SNX4: variants seen among roughly 807,000 people sequenced by gnomAD.
SNX4 encodes sorting nexin 4, also known as sorting nexin-4.
SNX4 carries 49 observed loss-of-function variants against 70.8 expected under a neutral mutation model. That is an observed-to-expected ratio of 0.69 (90% CI 0.55 to 0.88). The LOEUF is 0.88. SNX4 is among the 40% of genes least tolerant of loss of function. The pLI is 0.00. For synonymous variants in SNX4, 206 were observed against 183.8 expected, an observed-to-expected ratio of 1.12 and a Z score of -0.98; for missense variants, 528 against 544.8, an observed-to-expected ratio of 0.97 and a Z score of 0.31.
At chr3:125,447,874 G>T in intron 13 of SNX4, 48 bp from the exon 14 acceptor site, 1 of 1,288,836 alleles carries the variant, frequency 7.8e-7, no homozygotes, top group Non-Finnish European at 1.1e-6. Context: ...GAAGGAATCT[G>T]AAAACCCAAG....
chr3:125,478,047 CCTT>C (rs74478568), intron 7 of SNX4, among the ~76,000 whole-genome samples: 18 of 147,628 alleles, frequency 1.2e-4, no homozygotes, highest in Non-Finnish European at 1.7e-4. Flanking sequence ...TCCTCCTCCT[CCTT>C]CTTCTTCTTC....
chr3:125,491,142 C>G (rs1934651329), intron 5 of SNX4, among the ~76,000 whole-genome samples: 1 of 152,148 alleles, frequency 6.6e-6, no homozygotes, highest in Non-Finnish European at 1.5e-5. Context: ...TTAGGGAATT[C>G]TCTTATGGAA....
intron 1 of SNX4, among the ~76,000 whole-genome samples, chr3:125,509,740 G>A (rs1203067058): frequency 4.4e-5 from 5 of 112,722 alleles, no homozygotes; most frequent in South Asian, 3.2e-4. Context: ...GTGACAGAGC[G>A]AGAATCTGTC....
chr3:125,456,980 TA>T (rs764077264), intron 11 of SNX4, among the ~76,000 whole-genome samples: 12 of 137,468 alleles, frequency 8.7e-5, no homozygotes, highest in Middle Eastern at 7.1e-3. Flanking sequence ...TTTTTTTTTT[TA>T]AAACGAAACC....
chr3:125,492,959 G>GC (rs1400366649), intron 5 of SNX4, among the ~76,000 whole-genome samples: 1 of 152,170 alleles, frequency 6.6e-6, no homozygotes, highest in East Asian at 1.9e-4. Flanking sequence ...TAAGGATTGG[G>GC]TATTCAGAAC....
At chr3:125,476,519 C>T (rs144939515) in intron 8 of SNX4, among the ~76,000 whole-genome samples, 176 bp downstream of exon 8, 2,056 of 151,988 alleles carry the variant, frequency 0.014, 39 homozygotes, top group African/African-American at 0.045. Context: ...TGCAGTGAGC[C>T]GAGATCACAT....
Position 125,456,380 on chromosome 3 carries a change from A to T in SNX4, c.1044+886T>A, listed in dbSNP as rs569955206. 4.6e-5 allele frequency among the ~76,000 whole-genome samples: 7 copies of T among 152,272 alleles called. No homozygotes were observed. In the South Asian group the frequency reaches 1.4e-3, roughly 32 times the overall value. On this transcript the variant is annotated intron_variant, in intron 11 of 13. Coordinates refer to ENST00000251775, the MANE Select transcript of SNX4 (RefSeq NM_003794.4). Reference sequence around the variant, plus strand: ...CTTGGACTTAGAAACCAGATGATAGACTAGGCATGGTGGCTTACCCCTGTA... The same window carrying T: ...CTTGGACTTAGAAACCAGATGATAGTCTAGGCATGGTGGCTTACCCCTGTA...
At chr3:125,501,364 TC>T (rs1449103999) in intron 2 of SNX4, among the ~76,000 whole-genome samples, 1 of 152,098 alleles carries the variant, frequency 6.6e-6, no homozygotes, top group Non-Finnish European at 1.5e-5. Context: ...CACCTGTAAT[TC>T]CAGCACTTTG....
At chr3:125,456,659 T>C (rs1375042880) in intron 11 of SNX4, among the ~76,000 whole-genome samples, 3 of 152,098 alleles carry the variant, frequency 2.0e-5, no homozygotes, top group Non-Finnish European at 4.4e-5. Context: ...AAAATAAAAA[T>C]TAATAAAAAC....
intron 1 of SNX4, among the ~76,000 whole-genome samples, chr3:125,511,071 C>T: frequency 6.6e-6 from 1 of 152,142 alleles, no homozygotes; most frequent in East Asian, 1.9e-4. Flanking sequence ...AGCATGCATA[C>T]CACCGGATAA....
chr3:125,452,638 G>C (rs1933603857), intron 12 of SNX4, among the ~76,000 whole-genome samples: 1 of 152,012 alleles, frequency 6.6e-6, no homozygotes, highest in African/African-American at 2.4e-5. Flanking sequence ...TGTTTTTGGA[G>C]ACAGAGTTTC....
At chr3:125,483,485 A>G (rs898928948) in intron 6 of SNX4, among the ~76,000 whole-genome samples, 2 of 152,240 alleles carry the variant, frequency 1.3e-5, no homozygotes, top group African/African-American at 4.8e-5. Context: ...GAAATGTATA[A>G]GAATATAAAC....
At chr3:125,470,117 T>C (rs958931557) in intron 8 of SNX4, among the ~76,000 whole-genome samples, 2 of 152,188 alleles carry the variant, frequency 1.3e-5, no homozygotes, top group Non-Finnish European at 2.9e-5. Context: ...AAGTTATATA[T>C]GCTTATTATA....
At chr3:125,485,074 C>T (rs1291795568) in intron 6 of SNX4, among the ~76,000 whole-genome samples, 1 of 151,140 alleles carries the variant, frequency 6.6e-6, no homozygotes, top group Admixed American at 6.6e-5. Context: ...CAAAAAAAAA[C>T]AAAAACAAAA....
At position 125,497,990 on chromosome 3, in the gene SNX4, A is replaced by G. The variant is rs1480747539; in HGVS notation, c.400-7T>C. The G allele has an allele frequency of 6.2e-7, 1 of 1,613,936 alleles. No individual in the cohort carries two copies. The highest frequency in any genetic ancestry group is 8.5e-7 in the Non-Finnish European group (1 of 1,180,000). The stretch of plus-strand genomic sequence containing the variant: ...TATGCCAAACAAATTCTGCCTAGGT[A>G]AACAAAATAATCATTAAGAATAGTC... On this transcript the variant is annotated splice_polypyrimidine_tract_variant and splice_region_variant and intron_variant, in intron 3 of 13. Transcript: ENST00000251775.
chr3:125,519,101 G>A (rs1935341331), intron 1 of SNX4, among the ~76,000 whole-genome samples: 1 of 152,150 alleles, frequency 6.6e-6, no homozygotes, highest in Non-Finnish European at 1.5e-5. Flanking sequence ...TGAGGCAGGA[G>A]GATTGTTTGA....
At chr3:125,453,462 T>C (rs886881293) in intron 12 of SNX4, among the ~76,000 whole-genome samples, 21 of 152,126 alleles carry the variant, frequency 1.4e-4, no homozygotes, top group African/African-American at 4.6e-4. Context: ...ACTGTTTCTA[T>C]AACATTATTT....
In SNX4 at chr3:125,497,889, A is replaced by C; in HGVS notation, c.494T>G (p.Ile165Ser). The change falls in exon 4 of 14, where the codon ATT becomes AGT. Residue 165 changes from isoleucine (I) to serine (S), a missense_variant. Around this residue, in one of 3 missense-constraint regions of SNX4, gnomAD observed 341 missense variants for 312.2 expected, o/e 1.09. Transcript: ENST00000251775. ...TCTACAAAGGATGGGATGTGAAGCAATCCTCAAGAGAAAGTTTTCTAAACC... is the reference window on the plus strand; with the variant it reads ...TCTACAAAGGATGGGATGTGAAGCACTCCTCAAGAGAAAGTTTTCTAAACC... ...RIGLENFLLRIASHPILCRDK... is the reference protein window; with the variant it reads ...RIGLENFLLRSASHPILCRDK... 1 of 1,614,138 alleles carries C rather than the reference A, an allele frequency of 6.2e-7. No homozygotes were observed. Among genetic ancestry groups the C allele is most frequent in the Admixed American group, 1.7e-5 (1 of 60,014 alleles).
chr3:125,509,330 CA>C (rs577424404), intron 1 of SNX4, among the ~76,000 whole-genome samples: 1,212 of 55,270 alleles, frequency 0.022, 13 homozygotes, highest in African/African-American at 0.051. Context: ...AACTCCGTCT[CA>C]AAAAAAAAAA....
Sources: allele counts gnomAD v4.1 joint callset (sites outside exome capture counted in the v4.1 genomes callset), GRCh38; gene constraint gnomAD v4.1.1; regional missense constraint gnomAD v4.1.1; transcripts MANE v1.5; gene names NCBI Gene and HGNC (gene_info 2026-07-23, HGNC 2026-07-21).